The following C1QBP variants were observed in gnomAD, a reference collection of about 807,000 sequenced individuals.
The protein encoded by C1QBP is complement component 1 Q subcomponent-binding protein, mitochondrial.
In C1QBP, 24 loss-of-function variants were observed where a neutral mutation model predicts 29.4. The observed-to-expected ratio is 0.82, with a 90% confidence interval of 0.59 to 1.15. The LOEUF is 1.15. C1QBP is among the 50% of genes most tolerant of loss of function. The pLI is 0.00. For synonymous variants in C1QBP, 182 were observed against 149.2 expected (o/e 1.22, Z -1.60); for missense variants, 337 against 355.8 (o/e 0.95, Z 0.43).
chr17:5,433,517 A>G, intron 4 of C1QBP, 102 bp from the exon 5 acceptor site: 1 of 1,550,690 alleles, frequency 6.4e-7, no homozygotes, highest in Non-Finnish European at 8.9e-7. Context: ...TCAGGTTTTA[A>G]CCCTCTTCCC....
chr17:5,434,391 A>G (rs746649487), intron 3 of C1QBP, among the ~76,000 whole-genome samples: 1 of 151,602 alleles, frequency 6.6e-6, no homozygotes, highest in Non-Finnish European at 1.5e-5. Flanking sequence ...GGCTGGGCAC[A>G]GCACTTCCTG....
At chr17:5,438,777 C>G (rs1916342015) in intron 1 of C1QBP, 65 bp downstream of exon 1, 3 of 1,544,642 alleles carry the variant, frequency 1.9e-6, no homozygotes, top group Admixed American at 3.9e-5. Flanking sequence ...GTTGCAGGCC[C>G]TATTCCTGGT....
chr17:5,437,513 GAGCCAGGGTTTTAGTGTT>G (rs1916306789), intron 2 of C1QBP, among the ~76,000 whole-genome samples: 1 of 152,132 alleles, frequency 6.6e-6, no homozygotes, highest in Non-Finnish European at 1.5e-5. Flanking sequence ...ATTTTTACTA[GAGCCAGGGTTTTAGTGTT>G]AGCCAGGATT....
Position 5,438,901 on chromosome 17 carries a change from A to G in C1QBP, c.173T>C (p.Leu58Pro). The G allele has an allele frequency of 6.5e-7, 1 of 1,540,230 alleles. No individual in the cohort carries two copies. The highest frequency in any genetic ancestry group is 8.7e-7 in the Non-Finnish European group (1 of 1,143,078). Reference sequence around the variant, plus strand: ...GGCGCAGGGTCCGCGAGGCCGCAGGAGGCCCGGCCGCCGCTCGGAACCTGC... The same window carrying G: ...GGCGCAGGGTCCGCGAGGCCGCAGGGGGCCCGGCCGCCGCTCGGAACCTGC... ...VRAGSERRPG[L>P]LRPRGPCACG... The change falls in exon 1 of 6, where the codon CTC (leucine) becomes CCC (proline). Residue 58 changes from leucine (L) to proline (P), a missense_variant. Leu to Pro is a moderately conservative substitution (Grantham distance 98, BLOSUM62 -3). Transcript: ENST00000225698.
At chr17:5,434,717 C>T (rs988350688) in intron 3 of C1QBP, 156 bp downstream of exon 3, 14 of 546,054 alleles carry the variant, frequency 2.6e-5, no homozygotes, top group African/African-American at 1.4e-4. Flanking sequence ...CTGCCCGTCT[C>T]GGCCTCCCAA....
At chr17:5,434,754 T>C in intron 3 of C1QBP, 119 bp downstream of exon 3, 2 of 833,412 alleles carry the variant, frequency 2.4e-6, no homozygotes, top group South Asian at 1.7e-5. Context: ...GCGTGAGCCA[T>C]GCGACTGGAC....
intron 1 of C1QBP, 114 bp downstream of exon 1, chr17:5,438,728 T>A: frequency 6.5e-7 from 1 of 1,539,998 alleles, no homozygotes; most frequent in Non-Finnish European, 8.8e-7. Flanking sequence ...GCCCGCTGGT[T>A]GCCAATCAAT....
intron 1 of C1QBP, 115 bp downstream of exon 1, chr17:5,438,727 T>C: frequency 1.9e-6 from 3 of 1,539,716 alleles, no homozygotes; most frequent in East Asian, 2.5e-5. Flanking sequence ...AGCCCGCTGG[T>C]TGCCAATCAA....
At chr17:5,436,876 G>GACGC (rs1555532749) in intron 2 of C1QBP, among the ~76,000 whole-genome samples, 1 of 152,090 alleles carries the variant, frequency 6.6e-6, no homozygotes, top group Non-Finnish European at 1.5e-5. Flanking sequence ...AAATTAACCG[G>GACGC]ACGCACGCCT....
At chr17:5,438,023 G>T (rs1597350959) in intron 2 of C1QBP, 100 bp downstream of exon 2, 1 of 1,418,784 alleles carries the variant, frequency 7.0e-7, no homozygotes, top group Non-Finnish European at 9.4e-7. Context: ...ATTTATCAAA[G>T]TATCCACACC....
At chr17:5,435,332 C>T (rs1015601810) in intron 2 of C1QBP, among the ~76,000 whole-genome samples, 2 of 152,192 alleles carry the variant, frequency 1.3e-5, no homozygotes, top group Admixed American at 6.5e-5. Flanking sequence ...ACACTGCCCA[C>T]CCTGGTCTTT....
Position 5,438,952 on chromosome 17 carries a change from C to T in C1QBP, c.122G>A (p.Arg41Gln). ...LLQPAPRLCT[R>Q]PFGLLSVRAG... ...GCGCACGCTGAGCAGCCCGAAGGGCCGGGTGCACAGCCGGGGTGCCGGCTG... is the reference window on the plus strand; with the variant it reads ...GCGCACGCTGAGCAGCCCGAAGGGCTGGGTGCACAGCCGGGGTGCCGGCTG... Residue 41 changes from arginine (R) to glutamine (Q), a missense_variant, in exon 1 of 6, where the codon CGG becomes CAG. Transcript: ENST00000225698. 6.6e-7 allele frequency: 1 copy of T among 1,514,546 alleles called. No individual in the cohort carries two copies. The highest frequency in any genetic ancestry group is 8.8e-7 in the Non-Finnish European group (1 of 1,133,124). The allele number at this position is 1,514,546 out of a possible 1,614,324, so 93.8% of individuals were successfully genotyped here. A position where few individuals can be genotyped will look rare whatever the true frequency, so the allele number is the denominator to read the frequency against.
At chr17:5,433,570 G>GA in intron 4 of C1QBP, 99 bp downstream of exon 4, 1 of 1,533,206 alleles carries the variant, frequency 6.5e-7, no homozygotes, top group Admixed American at 1.7e-5. Context: ...GTCTAAGCTA[G>GA]AAAAGTGTTT....
At chr17:5,435,916 C>G (rs957885727) in intron 2 of C1QBP, among the ~76,000 whole-genome samples, 2 of 148,264 alleles carry the variant, frequency 1.3e-5, no homozygotes, top group Admixed American at 1.3e-4. Context: ...CGTGGTGGTA[C>G]GCGCCTGTAA....
At chr17:5,435,031 A>T in intron 2 of C1QBP, 65 bp from the exon 3 acceptor site, 1 of 1,338,478 alleles carries the variant, frequency 7.5e-7, no homozygotes, top group Non-Finnish European at 1.1e-6. Context: ...CGAGCAGGTT[A>T]ACACATAAAC....
At chr17:5,434,410 G>A (rs1916199793) in intron 3 of C1QBP, among the ~76,000 whole-genome samples, 1 of 150,594 alleles carries the variant, frequency 6.6e-6, no homozygotes, top group Non-Finnish European at 1.5e-5. Flanking sequence ...TGAAATGTTT[G>A]AAGAGTAGGC....
chr17:5,436,528 T>TA (rs1187782852), intron 2 of C1QBP, among the ~76,000 whole-genome samples: 4 of 150,926 alleles, frequency 2.7e-5, no homozygotes, highest in African/African-American at 7.4e-5. Flanking sequence ...AGAAGCAAAG[T>TA]AAAAAATAAA....
chr17:5,436,881 A>C (rs1449297391), intron 2 of C1QBP, among the ~76,000 whole-genome samples: 1 of 152,110 alleles, frequency 6.6e-6, no homozygotes, highest in Middle Eastern at 3.2e-3. Context: ...AACCGGACGC[A>C]CGCCTGTAAT....
At chr17:5,435,786 T>C (rs1158444663) in intron 2 of C1QBP, among the ~76,000 whole-genome samples, 1 of 150,836 alleles carries the variant, frequency 6.6e-6, no homozygotes, top group African/African-American at 2.5e-5. Context: ...TCCCAGCACT[T>C]TGGGAGGCCG....
Sources: allele counts gnomAD v4.1 joint callset (sites outside exome capture counted in the v4.1 genomes callset), GRCh38; gene constraint gnomAD v4.1.1; transcripts MANE v1.5; gene names NCBI Gene and HGNC (gene_info 2026-07-23, HGNC 2026-07-21).